The following IRAK3 variants were observed in gnomAD, a reference collection of about 807,000 sequenced individuals.
The protein encoded by IRAK3 is interleukin-1 receptor-associated kinase 3.
In IRAK3, 57 loss-of-function variants were observed where a neutral mutation model predicts 56.6. The observed-to-expected ratio is 1.01, with a 90% CI of 0.81 to 1.26. The LOEUF (loss-of-function observed/expected upper bound fraction) is 1.26, where lower values mean the gene tolerates loss of function less well. Ranked by LOEUF, IRAK3 falls within the 50% of genes most tolerant of loss-of-function variation. The pLI is 0.00. For missense variants in IRAK3, 703 were observed against 719.0 expected, an observed-to-expected ratio of 0.98 and a Z score of 0.25; for synonymous variants, 258 against 255.7, an observed-to-expected ratio of 1.01 and a Z score of -0.09.
intron 8 of IRAK3, among the ~76,000 whole-genome samples, chr12:66,228,931 C>T (rs1465389144): frequency 5.9e-5 from 9 of 152,160 alleles, no homozygotes; most frequent in Admixed American, 5.9e-4. Flanking sequence ...GTATTAAATG[C>T]ATTTTCGACT....
chr12:66,245,529 CTTTTTTTTTTT>C (rs745553622), intron 11 of IRAK3, among the ~76,000 whole-genome samples: 1 of 75,352 alleles, frequency 1.3e-5, no homozygotes, highest in Non-Finnish European at 2.3e-5. Context: ...TTTATTCAAT[CTTTTTTTTTTT>C]TTTTTTTTTT....
At chr12:66,245,887 C>G (rs1047815637) in intron 11 of IRAK3, among the ~76,000 whole-genome samples, 1 of 152,016 alleles carries the variant, frequency 6.6e-6, no homozygotes, top group Non-Finnish European at 1.5e-5. Context: ...TATCCATAGA[C>G]TTAATCACCC....
chr12:66,219,146 T>A (rs2052706764), intron 6 of IRAK3, among the ~76,000 whole-genome samples: 1 of 152,184 alleles, frequency 6.6e-6, no homozygotes. Flanking sequence ...CTGTGAATAA[T>A]GCTGCATTAA....
chr12:66,233,484 C>G (rs1745239623), intron 8 of IRAK3, among the ~76,000 whole-genome samples: 1 of 151,328 alleles, frequency 6.6e-6, no homozygotes, highest in Non-Finnish European at 1.5e-5. Flanking sequence ...CACCACTGCA[C>G]TCCAGCCTGG....
chr12:66,247,582 G>A lies in IRAK3; in HGVS notation c.1315-113G>A, dbSNP rs973316336. On this transcript the variant is annotated intron_variant, in intron 11 of 11. Coordinates refer to ENST00000261233, the MANE Select transcript of IRAK3 (RefSeq NM_007199.3). Reference sequence around the variant, plus strand: ...ATCCCTTCTAATTCAAAATTCTATAGCTGAACTAATTTCATGAAAATGAAA... The same window carrying A: ...ATCCCTTCTAATTCAAAATTCTATAACTGAACTAATTTCATGAAAATGAAA... 1.2e-5 allele frequency: 9 copies of A among 744,814 alleles called. No individual in the cohort carries two copies. In the African/African-American group the frequency reaches 1.4e-4, roughly 12 times the overall value. 46.1% of individuals were successfully genotyped at this position (744,814 alleles called of 1,614,324 possible). A position where few individuals can be genotyped will look rare whatever the true frequency, so the allele number is the denominator to read the frequency against.
chr12:66,208,324 T>TACACAC (rs57185737), intron 2 of IRAK3, among the ~76,000 whole-genome samples: 1 of 149,904 alleles, frequency 6.7e-6, no homozygotes, highest in Non-Finnish European at 1.5e-5. Context: ...TTGTCATTGA[T>TACACAC]ACACACACAC....
At chr12:66,244,337 T>C in intron 8 of IRAK3, 149 bp from the exon 9 acceptor site, 4 of 646,338 alleles carry the variant, frequency 6.2e-6, no homozygotes, top group Non-Finnish European at 1.1e-5. Flanking sequence ...AATGAAAGAA[T>C]GTTCTCCAGT....
chr12:66,212,612 G>T (rs956014960), intron 5 of IRAK3, among the ~76,000 whole-genome samples: 1 of 152,160 alleles, frequency 6.6e-6, no homozygotes, highest in Non-Finnish European at 1.5e-5. Flanking sequence ...GAAAACAAAA[G>T]ATTAAACTGT....
At position 66,237,109 on chromosome 12, in the gene IRAK3, G is replaced by A. The variant is rs534025890; in HGVS notation, c.888-7377G>A. On this transcript the variant is annotated intron_variant, in intron 8 of 11. Coordinates refer to ENST00000261233, the MANE Select transcript of IRAK3 (RefSeq NM_007199.3). Reference sequence around the variant, plus strand: ...CTACTTTCTGGCACTGTGATCTTGGGCAAGTCACTTAATCCCCTGAGGCTC... The same window carrying A: ...CTACTTTCTGGCACTGTGATCTTGGACAAGTCACTTAATCCCCTGAGGCTC... Among the ~76,000 whole-genome samples, 3 of 152,136 alleles carry A rather than the reference G, an allele frequency of 2.0e-5. No homozygotes were observed. In the East Asian group the frequency reaches 5.8e-4, roughly 29 times the overall value.
chr12:66,203,990 C>A, intron 2 of IRAK3, 97 bp downstream of exon 2: 1 of 1,090,306 alleles, frequency 9.2e-7, no homozygotes, highest in Non-Finnish European at 1.4e-6. Context: ...TTGACTCATG[C>A]TCTGTGTCAG....
chr12:66,246,786 G>A (rs553338080), intron 11 of IRAK3, among the ~76,000 whole-genome samples: 9 of 151,710 alleles, frequency 5.9e-5, no homozygotes, highest in Non-Finnish European at 1.0e-4. Flanking sequence ...TTTTAATTAC[G>A]TGTGTGTGTG....
chr12:66,234,988 G>A, intron 8 of IRAK3: 1 of 1,613,902 alleles, frequency 6.2e-7, no homozygotes, highest in Non-Finnish European at 8.5e-7. Context: ...CATAACCTTT[G>A]CATTTGTTCG....
chr12:66,199,924 A>T (rs1376823938), intron 1 of IRAK3, among the ~76,000 whole-genome samples: 1 of 152,156 alleles, frequency 6.6e-6, no homozygotes, highest in East Asian at 1.9e-4. Flanking sequence ...TGGCATTTGG[A>T]TAGTCTTTGC....
chr12:66,244,729 A>T, intron 9 of IRAK3, 45 bp downstream of exon 9: 16 of 1,512,906 alleles, frequency 1.1e-5, no homozygotes, highest in Non-Finnish European at 1.5e-5. Context: ...TATTGCCAAG[A>T]ATGTTCTAGA....
At chr12:66,204,819 C>CAA in intron 2 of IRAK3, among the ~76,000 whole-genome samples, 1 of 144,494 alleles carries the variant, frequency 6.9e-6, no homozygotes, top group East Asian at 2.1e-4. Context: ...CACACACACA[C>CAA]AAGGAATCCT....
At position 66,211,274 on chromosome 12, in the gene IRAK3, C is replaced by T. The variant is rs11465959; in HGVS notation, c.437-172C>T. Among the ~76,000 whole-genome samples the T allele has an allele frequency of 8.0e-3, 1,221 of 152,310 alleles. 8 individuals carry two copies. The highest frequency in any genetic ancestry group is 0.024 in the Middle Eastern group (7 of 294). On this transcript the variant is annotated intron_variant, in intron 4 of 11. Transcript: ENST00000261233. ...CCTTTGCTCTGTGGAATGGTGGGAACTAGATCCAAGTAAATGTGCAGAGAG... is the reference window on the plus strand; with the variant it reads ...CCTTTGCTCTGTGGAATGGTGGGAATTAGATCCAAGTAAATGTGCAGAGAG...
At chr12:66,200,470 C>T (rs1010536401) in intron 1 of IRAK3, among the ~76,000 whole-genome samples, 1 of 152,052 alleles carries the variant, frequency 6.6e-6, no homozygotes, top group African/African-American at 2.4e-5. Flanking sequence ...CCTGAAAGGG[C>T]AGGGAGATGG....
chr12:66,197,553 C>T, intron 1 of IRAK3: 1 of 985,220 alleles, frequency 1.0e-6, no homozygotes, highest in Non-Finnish European at 1.2e-6. Context: ...TGTGAATCAC[C>T]AGTTGGAAAA....
rs1457914527 is a variant in IRAK3, at chr12:66,254,413, A to T, written c.*6242A>T. 6.6e-6 allele frequency: 1 copy of T among 152,178 alleles called. No homozygotes were observed. The highest frequency in any genetic ancestry group is 2.4e-5 in the African/African-American group (1 of 41,470). The allele number at this position is 152,178 out of a possible 1,614,324, so 9.4% of individuals were successfully genotyped here. On this transcript the variant is annotated 3_prime_UTR_variant, in exon 12 of 12. Coordinates refer to ENST00000261233, the MANE Select transcript of IRAK3 (RefSeq NM_007199.3). Reference sequence around the variant, plus strand: ...AATCAAAAAGTAGACTACAGGATATATGTTGAATATGAGCTCATTTATAAC... The same window carrying T: ...AATCAAAAAGTAGACTACAGGATATTTGTTGAATATGAGCTCATTTATAAC...
Sources: gnomAD v4.1 joint callset for allele counts (sites outside exome capture counted in the v4.1 genomes callset) on GRCh38, gnomAD v4.1.1 for gene constraint, MANE v1.5 for transcripts, NCBI Gene and HGNC (gene_info 2026-07-23, HGNC 2026-07-21) for gene names.